The following RTN1 variants were observed in gnomAD, a reference collection of about 807,000 sequenced individuals.
The protein encoded by RTN1 is reticulon-1.
Under a neutral mutation model 65.5 loss-of-function variants are expected in RTN1, and 25 were observed. The observed-to-expected ratio is 0.38, with a 90% CI of 0.28 to 0.53. RTN1 has a LOEUF of 0.53. Ranked by LOEUF, RTN1 falls within the 20% of genes least tolerant of loss-of-function variation. The pLI is 0.79. For missense variants in RTN1, 983 were observed against 1,025.4 expected (o/e 0.96, Z 0.57); for synonymous variants, 471 against 447.6 (o/e 1.05, Z -0.66).
At position 59,799,208 on chromosome 14, in the gene RTN1, A is replaced by C. The variant is rs972242211; in HGVS notation, c.242-52727T>G. 3.3e-5 allele frequency among the ~76,000 whole-genome samples: 5 copies of C among 152,350 alleles called. No homozygotes were observed. The South Asian group carries it at 1.0e-3, about 32-fold the overall frequency. On this transcript the variant is annotated intron_variant, in intron 1 of 8. Transcript: ENST00000267484. ...AGGACATTCAGAAAAAAGGCTAAGG[A>C]TAGTACACTTAGTCTGAATAAAAAC...
chr14:59,617,887 C>G (rs1057474141), intron 3 of RTN1, among the ~76,000 whole-genome samples: 1 of 152,168 alleles, frequency 6.6e-6, no homozygotes, highest in African/African-American at 2.4e-5. Context: ...ACTCCCATTC[C>G]CACTACATCC....
At chr14:59,770,872 C>T (rs1033602332) in intron 1 of RTN1, among the ~76,000 whole-genome samples, 3 of 151,946 alleles carry the variant, frequency 2.0e-5, no homozygotes, top group Non-Finnish European at 4.4e-5. Flanking sequence ...TGGTGAAACC[C>T]CATCTCTACT....
chr14:59,654,859 AT>A (rs1179525017), intron 3 of RTN1, among the ~76,000 whole-genome samples: 1 of 152,228 alleles, frequency 6.6e-6, no homozygotes, highest in Non-Finnish European at 1.5e-5. Flanking sequence ...CAATTATGAT[AT>A]TTAATGGTGA....
intron 2 of RTN1, among the ~76,000 whole-genome samples, chr14:59,733,453 T>C (rs1277692828): frequency 6.6e-6 from 1 of 152,070 alleles, no homozygotes; most frequent in Non-Finnish European, 1.5e-5. Flanking sequence ...GCCTCCCAGC[T>C]GGCCCCTCCA....
chr14:59,697,047 T>A lies in RTN1; in HGVS notation c.1765+29872A>T, dbSNP rs577233681. ...TTATTCACCCTTCTAGAGTCTCATT[T>A]TTTTTTGTCCACTTGTCTCTTCAGG... On this transcript the variant is annotated intron_variant, in intron 3 of 8. Transcript: ENST00000267484. 2.8e-3 allele frequency among the ~76,000 whole-genome samples: 429 copies of A among 152,322 alleles called. 6 individuals carry two copies. Among genetic ancestry groups the A allele is most frequent in the Admixed American group, 0.026 (391 of 15,292 alleles).
intron 2 of RTN1, among the ~76,000 whole-genome samples, chr14:59,737,978 G>C (rs1387172167): frequency 6.6e-6 from 1 of 152,130 alleles, no homozygotes; most frequent in Non-Finnish European, 1.5e-5. Context: ...ATGGAAACTG[G>C]ACCCCTTCCT....
chr14:59,869,430 G>A (rs1887851638), intron 1 of RTN1, among the ~76,000 whole-genome samples: 1 of 152,080 alleles, frequency 6.6e-6, no homozygotes, highest in Admixed American at 6.5e-5. Context: ...TGGAAACAGC[G>A]TTAACCAGGC....
At chr14:59,813,728 T>C (rs1353140899) in intron 1 of RTN1, among the ~76,000 whole-genome samples, 1 of 152,196 alleles carries the variant, frequency 6.6e-6, no homozygotes, top group Non-Finnish European at 1.5e-5. Context: ...AGATTCTATA[T>C]CAGTAATAAA....
At chr14:59,767,295 A>G (rs1383936284) in intron 1 of RTN1, among the ~76,000 whole-genome samples, 1 of 152,178 alleles carries the variant, frequency 6.6e-6, no homozygotes, top group Non-Finnish European at 1.5e-5. Flanking sequence ...GTTGCCCTTC[A>G]GTCTTTCTTT....
At chr14:59,740,216 G>A (rs1003924358) in intron 2 of RTN1, among the ~76,000 whole-genome samples, 4 of 152,168 alleles carry the variant, frequency 2.6e-5, no homozygotes, top group East Asian at 1.9e-4. Flanking sequence ...CTGGCACACC[G>A]GAGGTACGCA....
At chr14:59,795,839 T>C (rs921296651) in intron 1 of RTN1, among the ~76,000 whole-genome samples, 2 of 152,174 alleles carry the variant, frequency 1.3e-5, no homozygotes, top group Admixed American at 6.5e-5. Context: ...CTCATCTCAA[T>C]GCCCCAGTAA....
chr14:59,741,590 A>T (rs12888478), intron 2 of RTN1, among the ~76,000 whole-genome samples: 71,048 of 152,056 alleles, frequency 0.47, 18,666 homozygotes, highest in African/African-American at 0.72. Flanking sequence ...AATAGATGAA[A>T]GAATAAATGA....
At chr14:59,781,637 T>C (rs934978334) in intron 1 of RTN1, among the ~76,000 whole-genome samples, 8 of 152,130 alleles carry the variant, frequency 5.3e-5, no homozygotes, top group Non-Finnish European at 1.0e-4. Context: ...CAAGTAATCA[T>C]GAATAGTTTC....
intron 1 of RTN1, among the ~76,000 whole-genome samples, chr14:59,833,018 C>T (rs942421970): frequency 1.1e-4 from 16 of 152,144 alleles, no homozygotes; most frequent in African/African-American, 3.6e-4. Flanking sequence ...TTCCCAGAGG[C>T]GATAAATGGT....
intron 1 of RTN1, among the ~76,000 whole-genome samples, chr14:59,835,651 T>G (rs1447896709): frequency 6.6e-6 from 1 of 152,192 alleles, no homozygotes; most frequent in Non-Finnish European, 1.5e-5. Context: ...TTAACCCCTG[T>G]AAGTCTCCAA....
intron 1 of RTN1, among the ~76,000 whole-genome samples, chr14:59,819,720 G>A (rs1280335172): frequency 6.6e-6 from 1 of 152,144 alleles, no homozygotes; most frequent in African/African-American, 2.4e-5. Context: ...GCCTTGTGGG[G>A]AGGCGGCTGA....
chr14:59,650,804 T>A (rs1490387109), intron 3 of RTN1, among the ~76,000 whole-genome samples: 2 of 152,200 alleles, frequency 1.3e-5, no homozygotes, highest in Admixed American at 1.3e-4. Flanking sequence ...ATAGGAAGAC[T>A]CAATATCATT....
chr14:59,609,930 A>G (rs61984979), intron 3 of RTN1, among the ~76,000 whole-genome samples: 1 of 152,218 alleles, frequency 6.6e-6, no homozygotes, highest in Non-Finnish European at 1.5e-5. Context: ...ATGCTCGTAC[A>G]TATTTGGAAA....
intron 1 of RTN1, among the ~76,000 whole-genome samples, chr14:59,809,495 C>T (rs1886691118): frequency 6.6e-6 from 1 of 151,928 alleles, no homozygotes; most frequent in Non-Finnish European, 1.5e-5. Context: ...TCAGGCTCAG[C>T]AAATACTTTC....
Sources: allele counts gnomAD v4.1 joint callset (sites outside exome capture counted in the v4.1 genomes callset), GRCh38; gene constraint gnomAD v4.1.1; transcripts MANE v1.5; gene names NCBI Gene and HGNC (gene_info 2026-07-23, HGNC 2026-07-21).